Variants in ARHGAP44 observed in about 807,000 individuals in gnomAD.
The protein encoded by ARHGAP44 is Rho GTPase activating protein 44.
A neutral mutation model predicts 106.8 loss-of-function variants in ARHGAP44; 43 were observed. That is an observed-to-expected ratio of 0.40 (90% CI 0.32 to 0.52). The LOEUF (loss-of-function observed/expected upper bound fraction) is 0.52. Among genes scored for constraint, ARHGAP44 ranks in the 20% least tolerant of loss-of-function variants. The pLI is 0.48. For synonymous variants in ARHGAP44, 439 were observed against 410.3 expected (o/e 1.07, Z -0.85); for missense variants, 866 against 1,050.5 (o/e 0.82, Z 2.43).
chr17:12,800,839 T>TC (rs910505666), intron 1 of ARHGAP44, among the ~76,000 whole-genome samples: 48 of 152,172 alleles, frequency 3.2e-4, no homozygotes, highest in Non-Finnish European at 1.3e-4. Flanking sequence ...CCTGCTTCTC[T>TC]CCCCCTAATC....
At chr17:12,918,292 C>T (rs1598052230) in intron 5 of ARHGAP44, among the ~76,000 whole-genome samples, 1 of 152,318 alleles carries the variant, frequency 6.6e-6, no homozygotes, top group East Asian at 1.9e-4. Flanking sequence ...ACACGCAGAA[C>T]ATTACTCATC....
chr17:12,979,234 A>G (rs9895225), intron 18 of ARHGAP44, among the ~76,000 whole-genome samples: 50,099 of 152,096 alleles, frequency 0.33, 8,503 homozygotes, highest in South Asian at 0.48. Flanking sequence ...TCAGCGTATC[A>G]GGATGACAAA....
intron 1 of ARHGAP44, among the ~76,000 whole-genome samples, chr17:12,840,186 T>G (rs1444198017): frequency 1.3e-5 from 2 of 152,150 alleles, no homozygotes; most frequent in Non-Finnish European, 2.9e-5. Flanking sequence ...TAATTCTAGA[T>G]CCCCATTATT....
chr17:12,853,789 A>G (rs1447887242), intron 1 of ARHGAP44, among the ~76,000 whole-genome samples: 1 of 152,096 alleles, frequency 6.6e-6, no homozygotes. Context: ...TGCCACCTTC[A>G]CTTCCTGACA....
At chr17:12,936,143 T>C (rs1012321980) in intron 7 of ARHGAP44, among the ~76,000 whole-genome samples, 1 of 152,188 alleles carries the variant, frequency 6.6e-6, no homozygotes, top group Non-Finnish European at 1.5e-5. Context: ...TCCCCCAATG[T>C]CAACATCACA....
intron 1 of ARHGAP44, among the ~76,000 whole-genome samples, chr17:12,804,279 C>T (rs2034207130): frequency 6.6e-6 from 1 of 152,218 alleles, no homozygotes; most frequent in Non-Finnish European, 1.5e-5. Flanking sequence ...CACACGTTTA[C>T]TATTGACCAT....
chr17:12,978,056 A>AAAAAAAAAAAAAAAAAT (rs71144940), intron 18 of ARHGAP44, among the ~76,000 whole-genome samples: 3 of 149,212 alleles, frequency 2.0e-5, no homozygotes, highest in East Asian at 4.0e-4. Context: ...AAAAAAAAAA[A>AAAAAAAAAAAAAAAAAT]GTGTGTTTCG....
intron 1 of ARHGAP44, among the ~76,000 whole-genome samples, chr17:12,872,611 C>A (rs1028549319): frequency 1.3e-5 from 2 of 152,176 alleles, no homozygotes; most frequent in Non-Finnish European, 2.9e-5. Flanking sequence ...CTGATAAATT[C>A]TGTTACTGGT....
intron 3 of ARHGAP44, among the ~76,000 whole-genome samples, chr17:12,902,908 C>A (rs894799622): frequency 1.3e-5 from 2 of 152,002 alleles, no homozygotes; most frequent in African/African-American, 2.4e-5. Context: ...AGAAGTGTAA[C>A]CTGATGCTGT....
At chr17:12,900,146 T>C (rs1050298681) in intron 3 of ARHGAP44, among the ~76,000 whole-genome samples, 6 of 152,160 alleles carry the variant, frequency 3.9e-5, no homozygotes, top group Non-Finnish European at 8.8e-5. Flanking sequence ...TTATTTTTTT[T>C]TGAGACAGAG....
chr17:12,902,806 A>G (rs572443122), intron 3 of ARHGAP44, among the ~76,000 whole-genome samples: 2 of 152,346 alleles, frequency 1.3e-5, no homozygotes, highest in African/African-American at 4.8e-5. Flanking sequence ...GGTAAGAATC[A>G]TAATAATTCC....
At chr17:12,845,212 T>A (rs1567644743) in intron 1 of ARHGAP44, among the ~76,000 whole-genome samples, 2 of 151,596 alleles carry the variant, frequency 1.3e-5, no homozygotes, top group African/African-American at 4.9e-5. Context: ...TCATTTACTT[T>A]AAAAAAAATC....
chr17:12,955,632 T>C (rs1598113528), intron 13 of ARHGAP44: 1 of 432,498 alleles, frequency 2.3e-6, no homozygotes, highest in Non-Finnish European at 4.2e-6. Flanking sequence ...TTCTGGCCAG[T>C]GTTAGTTGAA....
intron 7 of ARHGAP44, among the ~76,000 whole-genome samples, chr17:12,937,983 C>A (rs1451730333): frequency 6.6e-6 from 1 of 152,026 alleles, no homozygotes; most frequent in Non-Finnish European, 1.5e-5. Context: ...TCCCTGTAGT[C>A]CCAGCTCAGG....
intron 6 of ARHGAP44, among the ~76,000 whole-genome samples, chr17:12,925,395 C>T (rs1364294763): frequency 6.6e-6 from 1 of 152,148 alleles, no homozygotes; most frequent in African/African-American, 2.4e-5. Flanking sequence ...GAAGCAGGAA[C>T]TTAAAAAGTG....
In ARHGAP44 at chr17:12,990,289, AAC is replaced by A. The variant is rs1411218273; in HGVS notation, c.*121_*122del. On this transcript the variant is annotated 3_prime_UTR_variant, in exon 21 of 21. Transcript: ENST00000379672. Reference sequence around the variant, plus strand: ...CTGCTGGCTCTTTCCTGCCACTGCCAACACGAGGTTGGAATTTGGCAGAAAAT... The same window carrying A: ...CTGCTGGCTCTTTCCTGCCACTGCCAACGAGGTTGGAATTTGGCAGAAAAT... 1 of 1,352,116 alleles carries A rather than the reference AAC, an allele frequency of 7.4e-7. No individual in the cohort carries two copies. The highest frequency in any genetic ancestry group is 9.9e-7 in the Non-Finnish European group (1 of 1,007,572). The allele number at this position is 1,352,116 out of a possible 1,614,324, so 83.8% of individuals were successfully genotyped here. A position where few individuals can be genotyped will look rare whatever the true frequency, so the allele number is the denominator to read the frequency against.
At position 12,949,544 on chromosome 17, in the gene ARHGAP44, C is replaced by T; in HGVS notation, c.974-105C>T. 9.5e-7 allele frequency: 1 copy of T among 1,048,294 alleles called. No homozygotes were observed. The highest frequency in any genetic ancestry group is 1.4e-6 in the Non-Finnish European group (1 of 702,684). 64.9% of individuals were successfully genotyped at this position (1,048,294 alleles called of 1,614,324 possible). ...TACCATTTGCTGTTGACATGGTGGT[C>T]AGGAGGCCCATCCCCAGATGGAACC... On this transcript the variant is annotated intron_variant, in intron 11 of 20. Coordinates refer to ENST00000379672, the MANE Select transcript of ARHGAP44 (RefSeq NM_014859.6). This position sits in a 1 kb window ranked among gnomAD's most constrained non-coding sequence, Gnocchi z 4.1.
At chr17:12,915,352 A>G (rs2037875758) in intron 4 of ARHGAP44, among the ~76,000 whole-genome samples, 1 of 152,328 alleles carries the variant, frequency 6.6e-6, no homozygotes, top group African/African-American at 2.4e-5. Flanking sequence ...CATCTTTGAA[A>G]TAGTATATTG....
intron 4 of ARHGAP44, among the ~76,000 whole-genome samples, chr17:12,914,476 C>T (rs527792255): frequency 7.9e-5 from 12 of 152,218 alleles, no homozygotes; most frequent in African/African-American, 2.4e-4. Flanking sequence ...GATCTGATTC[C>T]GCATGTACCA....
Sources: gnomAD v4.1 joint callset for allele counts (sites outside exome capture counted in the v4.1 genomes callset) on GRCh38, gnomAD v4.1.1 for gene constraint, Gnocchi (gnomAD v3.1) non-coding constraint, MANE v1.5 for transcripts, NCBI Gene and HGNC (gene_info 2026-07-23, HGNC 2026-07-21) for gene names.